Variants in LGR6 observed in about 807,000 individuals in gnomAD.
LGR6 encodes leucine rich repeat containing G protein-coupled receptor 6.
Under a neutral mutation model 69.4 loss-of-function variants are expected in LGR6, and 45 were observed. The observed-to-expected ratio is 0.65, with a 90% confidence interval of 0.51 to 0.83. LGR6 has a LOEUF of 0.83. LGR6 is among the 40% of genes least tolerant of loss of function. LGR6 has a pLI of 0.00. For missense variants in LGR6, 1,108 were observed against 1,246.7 expected (o/e 0.89, Z 1.68); for synonymous variants, 538 against 555.0 (o/e 0.97, Z 0.43).
At chr1:202,230,204 T>C (rs1251852099) in intron 3 of LGR6, among the ~76,000 whole-genome samples, 1 of 152,136 alleles carries the variant, frequency 6.6e-6, no homozygotes, top group Non-Finnish European at 1.5e-5. Context: ...CCCTCTCTGA[T>C]TCTTTCTTAA....
chr1:202,311,386 G>A (rs554425925), intron 16 of LGR6, among the ~76,000 whole-genome samples: 2 of 152,306 alleles, frequency 1.3e-5, no homozygotes, highest in East Asian at 1.9e-4. Context: ...TTGGCTGGGC[G>A]CGGTGGCTCA....
In LGR6 at chr1:202,310,293, C is replaced by A. The variant is rs142399954; in HGVS notation, c.1503C>A (p.His501Gln). 1.2e-6 allele frequency: 2 copies of A among 1,613,972 alleles called. No homozygotes were observed. Among genetic ancestry groups the A allele is most frequent in the African/African-American group, 2.7e-5 (2 of 74,896 alleles). Reference protein sequence around the residue: ...ASGQWEAEDLHLDDEESSKRP... With the variant: ...ASGQWEAEDLQLDDEESSKRP... ...GGCAGTGGGAGGCTGAAGACCTTCA[C>A]CTTGATGATGAGGAGTCTTCAAAAA... The change falls in exon 16 of 18, where the codon CAC (histidine) becomes CAA (glutamine). Residue 501 changes from histidine (H) to glutamine (Q), a missense_variant. By Grantham distance (24) the His-to-Gln change is conservative. Coordinates refer to ENST00000367278, the MANE Select transcript of LGR6 (RefSeq NM_001017403.2).
chr1:202,256,036 C>T (rs1380522482), intron 4 of LGR6, among the ~76,000 whole-genome samples: 1 of 152,210 alleles, frequency 6.6e-6, no homozygotes, highest in African/African-American at 2.4e-5. Flanking sequence ...TTAGCAGTCA[C>T]TCTCTATCTC....
intron 4 of LGR6, among the ~76,000 whole-genome samples, chr1:202,239,442 T>A (rs1661975596): frequency 6.6e-6 from 1 of 151,690 alleles, no homozygotes; most frequent in Admixed American, 6.6e-5. Context: ...GAGTTAGACG[T>A]GGTCATACCT....
chr1:202,239,332 T>TTGTG (rs1035813755), intron 4 of LGR6, among the ~76,000 whole-genome samples: 1 of 139,634 alleles, frequency 7.2e-6, no homozygotes, highest in African/African-American at 2.8e-5. Context: ...CTGGCTGAAC[T>TTGTG]TGTGTGTGTG....
In LGR6 at chr1:202,319,316, A is replaced by C. The variant is rs1572037547; in HGVS notation, c.*109A>C. On this transcript the variant is annotated 3_prime_UTR_variant, in exon 18 of 18. Coordinates refer to ENST00000367278, the MANE Select transcript of LGR6 (RefSeq NM_001017403.2). ...CAACCAAAACTCAGCAGTGTGATCTATAGCAGGATGGCCCAGTCCCTGGCT... is the reference window on the plus strand; with the variant it reads ...CAACCAAAACTCAGCAGTGTGATCTCTAGCAGGATGGCCCAGTCCCTGGCT... The C allele has an allele frequency of 8.0e-7, 1 of 1,242,658 alleles. No individual in the cohort carries two copies. The highest frequency in any genetic ancestry group is 1.1e-6 in the Non-Finnish European group (1 of 917,218). The allele number at this position is 1,242,658 out of a possible 1,614,324, so 77.0% of individuals were successfully genotyped here.
At chr1:202,204,330 A>C (rs1658954979) in intron 1 of LGR6, among the ~76,000 whole-genome samples, 2 of 113,278 alleles carry the variant, frequency 1.8e-5, no homozygotes, top group African/African-American at 3.5e-5. Context: ...CCTCCTCCTA[A>C]CACACACACC....
intron 9 of LGR6, 37 bp downstream of exon 9, chr1:202,301,272 T>TC (rs1190987837): frequency 1.3e-6 from 2 of 1,545,928 alleles, no homozygotes; most frequent in South Asian, 2.2e-5. Flanking sequence ...AGCCTGAACT[T>TC]CCCCCTTTCC....
chr1:202,312,436 C>T (rs1286943553), intron 16 of LGR6, among the ~76,000 whole-genome samples: 1 of 152,190 alleles, frequency 6.6e-6, no homozygotes, highest in Non-Finnish European at 1.5e-5. Context: ...ACTCAGCCTC[C>T]GACCTGCCCT....
intron 17 of LGR6, among the ~76,000 whole-genome samples, chr1:202,317,170 C>A (rs1654208577): frequency 1.3e-5 from 2 of 152,264 alleles, no homozygotes; most frequent in South Asian, 4.2e-4. Flanking sequence ...ACTGTCTGGG[C>A]AGTCCCTCAT....
chr1:202,272,673 G>A (rs1259009333), intron 4 of LGR6, among the ~76,000 whole-genome samples: 1 of 152,236 alleles, frequency 6.6e-6, no homozygotes, highest in Non-Finnish European at 1.5e-5. Flanking sequence ...CCCTTCCCAA[G>A]CTCTCCTGCC....
chr1:202,235,685 T>A (rs975228560), intron 3 of LGR6, among the ~76,000 whole-genome samples: 3 of 152,090 alleles, frequency 2.0e-5, no homozygotes, highest in Admixed American at 1.3e-4. Context: ...CCTTCTGAGA[T>A]GCTCTCCCTG....
In LGR6 at chr1:202,317,840, A is replaced by G. The variant is rs1572032235; in HGVS notation, c.1649-112A>G. The G allele has an allele frequency of 4.5e-6, 5 of 1,111,996 alleles. No individual in the cohort carries two copies. In the East Asian group the frequency reaches 1.2e-4, roughly 27 times the overall value. The allele number at this position is 1,111,996 out of a possible 1,614,324, so 68.9% of individuals were successfully genotyped here. A position where few individuals can be genotyped will look rare whatever the true frequency, so the allele number is the denominator to read the frequency against. On this transcript the variant is annotated intron_variant, in intron 17 of 17. Coordinates refer to ENST00000367278, the MANE Select transcript of LGR6 (RefSeq NM_001017403.2). ...TGGGAGTTTTCCGAGGGCAAGGGCC[A>G]TGTTCATCTCCTTTTGATTGGAAAT...
chr1:202,242,990 C>A (rs1433460684), intron 4 of LGR6, among the ~76,000 whole-genome samples: 1 of 152,230 alleles, frequency 6.6e-6, no homozygotes, highest in African/African-American at 2.4e-5. Context: ...CTTGTAATCC[C>A]CATTTTATAG....
intron 6 of LGR6, among the ~76,000 whole-genome samples, chr1:202,296,451 T>C (rs1158518246): frequency 1.3e-5 from 2 of 152,226 alleles, no homozygotes; most frequent in East Asian, 3.8e-4. Flanking sequence ...TAGTTCTTAC[T>C]CTCTACTTCC....
At chr1:202,312,146 A>G (rs1653793439) in intron 16 of LGR6, among the ~76,000 whole-genome samples, 1 of 152,232 alleles carries the variant, frequency 6.6e-6, no homozygotes, top group Non-Finnish European at 1.5e-5. Context: ...AACGGGAGCT[A>G]GGGCAGGGCC....
chr1:202,214,035 G>A (rs1286019160), intron 1 of LGR6: 3 of 1,343,752 alleles, frequency 2.2e-6, no homozygotes, highest in Admixed American at 4.1e-5. Flanking sequence ...GAGGGCAGAT[G>A]GGTGGGGCGC....
At chr1:202,278,897 A>G (rs1019360606) in intron 5 of LGR6, among the ~76,000 whole-genome samples, 1 of 152,190 alleles carries the variant, frequency 6.6e-6, no homozygotes, top group African/African-American at 2.4e-5. Context: ...ACCCTTAGGT[A>G]GCACGTAGCT....
At chr1:202,221,122 G>T (rs1386966420) in intron 1 of LGR6, among the ~76,000 whole-genome samples, 3 of 152,126 alleles carry the variant, frequency 2.0e-5, no homozygotes, top group East Asian at 1.9e-4. Context: ...GGTGGGCACA[G>T]TTCCCCCAGG....
Sources: gnomAD v4.1 joint callset for allele counts (sites outside exome capture counted in the v4.1 genomes callset) on GRCh38, gnomAD v4.1.1 for gene constraint, MANE v1.5 for transcripts, NCBI Gene and HGNC (gene_info 2026-07-23, HGNC 2026-07-21) for gene names.